The following SMAP1 variants were observed in gnomAD, a reference collection of about 807,000 sequenced individuals.
SMAP1 encodes the protein stromal membrane-associated protein 1.
A neutral mutation model predicts 58.5 loss-of-function variants in SMAP1; 24 were observed. That is an observed-to-expected ratio of 0.41 (90% CI 0.30 to 0.58). SMAP1 has a LOEUF of 0.58. Ranked by LOEUF, SMAP1 falls within the 20% of genes least tolerant of loss-of-function variation. SMAP1 has a pLI of 0.29. For missense variants in SMAP1, 563 were observed against 566.3 expected, an observed-to-expected ratio of 0.99 and a Z score of 0.06; for synonymous variants, 216 against 196.6, an observed-to-expected ratio of 1.10 and a Z score of -0.82.
intron 1 of SMAP1, among the ~76,000 whole-genome samples, chr6:70,679,037 T>C (rs1398459425): frequency 6.6e-6 from 1 of 151,966 alleles, no homozygotes. Flanking sequence ...TTTTTTTGTT[T>C]TTTTGAGATG....
chr6:70,832,363 T>C (rs1582275434), intron 6 of SMAP1, among the ~76,000 whole-genome samples: 1 of 152,192 alleles, frequency 6.6e-6, no homozygotes, highest in African/African-American at 2.4e-5. Flanking sequence ...GGTGATAGTA[T>C]TGGGTTTAAA....
intron 5 of SMAP1, among the ~76,000 whole-genome samples, chr6:70,792,060 C>T (rs556486967): frequency 2.1e-4 from 32 of 152,012 alleles, no homozygotes; most frequent in East Asian, 9.7e-4. Context: ...CTTACAGGAA[C>T]GTTTTTTTAA....
chr6:70,751,594 TACTG>T (rs35487590), intron 2 of SMAP1, among the ~76,000 whole-genome samples: 27,734 of 151,814 alleles, frequency 0.18, 2,744 homozygotes, highest in African/African-American at 0.27. Flanking sequence ...GAAAAAAAAA[TACTG>T]ACAGGGAATG....
chr6:70,801,475 G>T (rs564574550), intron 6 of SMAP1, among the ~76,000 whole-genome samples: 5 of 152,138 alleles, frequency 3.3e-5, no homozygotes, highest in African/African-American at 1.2e-4. Context: ...GCCTGTTCAT[G>T]CTGATGGTAG....
intron 6 of SMAP1, among the ~76,000 whole-genome samples, chr6:70,821,203 T>C (rs1769875672): frequency 6.6e-6 from 1 of 152,252 alleles, no homozygotes; most frequent in Non-Finnish European, 1.5e-5. Flanking sequence ...TTCATGTAAA[T>C]GTAATCATAC....
At chr6:70,853,276 T>C (rs1771257920) in intron 8 of SMAP1, among the ~76,000 whole-genome samples, 1 of 152,138 alleles carries the variant, frequency 6.6e-6, no homozygotes, top group Non-Finnish European at 1.5e-5. Flanking sequence ...AAAGTATTAA[T>C]GGTGAAGAAA....
At chr6:70,745,151 T>C (rs1765976173) in intron 2 of SMAP1, among the ~76,000 whole-genome samples, 1 of 152,214 alleles carries the variant, frequency 6.6e-6, no homozygotes, top group Non-Finnish European at 1.5e-5. Context: ...GTAGTTTCTT[T>C]TGCTGTGCAG....
In SMAP1 at chr6:70,798,646, CTG is replaced by C. The variant is rs745895218; in HGVS notation, c.496-7_496-6del. 1.1e-5 allele frequency: 17 copies of C among 1,483,152 alleles called. No individual in the cohort carries two copies. The highest frequency in any genetic ancestry group is 1.4e-5 in the Non-Finnish European group (16 of 1,118,220). 91.9% of individuals were successfully genotyped at this position (1,483,152 alleles called of 1,614,324 possible). A position where few individuals can be genotyped will look rare whatever the true frequency, so the allele number is the denominator to read the frequency against. Reference sequence around the variant, plus strand: ...AAAGTAAACTTATCAAAACTTTGGGCTGTGTTTTAGAAAGAAAAGGAAAAAAA... The same window carrying C: ...AAAGTAAACTTATCAAAACTTTGGGCTGTTTTAGAAAGAAAAGGAAAAAAA... On this transcript the variant is annotated splice_polypyrimidine_tract_variant and intron_variant, in intron 5 of 10. Coordinates refer to ENST00000370455, the MANE Select transcript of SMAP1 (RefSeq NM_001044305.3).
At chr6:70,744,351 G>A (rs1765937017) in intron 2 of SMAP1, among the ~76,000 whole-genome samples, 1 of 151,952 alleles carries the variant, frequency 6.6e-6, no homozygotes, top group South Asian at 2.1e-4. Context: ...AGGCCCCGGT[G>A]TGTGATGTTC....
chr6:70,751,728 T>C (rs1308401371), intron 2 of SMAP1, among the ~76,000 whole-genome samples: 1 of 152,126 alleles, frequency 6.6e-6, no homozygotes, highest in Non-Finnish European at 1.5e-5. Flanking sequence ...TTTAGAAAAT[T>C]TAAGTGTTTC....
At chr6:70,800,429 T>C (rs1001690727) in intron 6 of SMAP1, among the ~76,000 whole-genome samples, 1 of 152,184 alleles carries the variant, frequency 6.6e-6, no homozygotes, top group African/African-American at 2.4e-5. Context: ...ATATACATAA[T>C]GTATGGGAGA....
chr6:70,710,909 C>A (rs1349360560), intron 1 of SMAP1, among the ~76,000 whole-genome samples: 1 of 151,924 alleles, frequency 6.6e-6, no homozygotes, highest in East Asian at 1.9e-4. Flanking sequence ...ACACGAACAC[C>A]CATATTAGCC....
intron 6 of SMAP1, among the ~76,000 whole-genome samples, chr6:70,823,317 C>CTAA (rs1264798500): frequency 6.6e-6 from 1 of 152,076 alleles, no homozygotes; most frequent in Non-Finnish European, 1.5e-5. Context: ...TTTAATGAGC[C>CTAA]TGTGCCCCTA....
In SMAP1 at chr6:70,791,704, G is replaced by T. The variant is rs373507240; in HGVS notation, c.430G>T (p.Ala144Ser). The change falls in exon 5 of 11, where the codon GCT becomes TCT. Residue 144 changes from alanine to serine, a missense_variant. Around this residue, in one of 3 missense-constraint regions of SMAP1, gnomAD observed 494 missense variants for 473.8 expected, o/e 1.04. Transcript: ENST00000370455. ...IAITNISSSD[A>S]PLQPLVSSPS... Reference sequence around the variant, plus strand: ...TACTCCACAGATTTCCTCCTCTGATGCTCCTCTTCAGCCTTTGGTATCCTC... The same window carrying T: ...TACTCCACAGATTTCCTCCTCTGATTCTCCTCTTCAGCCTTTGGTATCCTC... 7.7e-5 allele frequency: 124 copies of T among 1,611,752 alleles called. 1 individual carries two copies. Among genetic ancestry groups the T allele is most frequent in the Non-Finnish European group, 9.7e-5 (114 of 1,179,066 alleles).
At chr6:70,712,965 G>A (rs1266443511) in intron 1 of SMAP1, among the ~76,000 whole-genome samples, 3 of 151,306 alleles carry the variant, frequency 2.0e-5, no homozygotes, top group African/African-American at 7.3e-5. Context: ...CTCATTTTTT[G>A]TATTTTTAGT....
intron 1 of SMAP1, 114 bp from the exon 2 acceptor site, chr6:70,732,264 C>A: frequency 8.6e-7 from 1 of 1,160,822 alleles, no homozygotes; most frequent in Non-Finnish European, 1.2e-6. Context: ...GAGCATGTGA[C>A]TTCTGTAAGC....
At chr6:70,674,264 G>C (rs1455293241) in intron 1 of SMAP1, among the ~76,000 whole-genome samples, 2 of 151,756 alleles carry the variant, frequency 1.3e-5, no homozygotes, top group African/African-American at 4.8e-5. Context: ...AGATGTGTGC[G>C]ACCATGCCTA....
At chr6:70,672,776 T>C (rs775127151) in intron 1 of SMAP1, among the ~76,000 whole-genome samples, 3 of 152,112 alleles carry the variant, frequency 2.0e-5, no homozygotes, top group Non-Finnish European at 4.4e-5. Flanking sequence ...GGAGTGACCC[T>C]GTTGGGACCA....
At chr6:70,775,701 T>C (rs1290885697) in intron 4 of SMAP1, among the ~76,000 whole-genome samples, 1 of 152,194 alleles carries the variant, frequency 6.6e-6, no homozygotes, top group Non-Finnish European at 1.5e-5. Flanking sequence ...AGTAAAAATT[T>C]TAAGGTAAAA....
Sources: allele counts gnomAD v4.1 joint callset (sites outside exome capture counted in the v4.1 genomes callset), GRCh38; gene constraint gnomAD v4.1.1; regional missense constraint gnomAD v4.1.1; transcripts MANE v1.5; gene names NCBI Gene and HGNC (gene_info 2026-07-23, HGNC 2026-07-21).